Variants in TLN1 observed in about 807,000 individuals in gnomAD.
TLN1 encodes the protein talin 1.
TLN1 carries 56 observed loss-of-function variants against 292.3 expected under a neutral mutation model. The observed-to-expected ratio is 0.19, with a 90% CI of 0.15 to 0.24. The LOEUF (loss-of-function observed/expected upper bound fraction) is 0.24, where lower values mean the gene tolerates loss of function less well. Among genes scored for constraint, TLN1 ranks in the 10% least tolerant of loss-of-function variants. The probability of loss-of-function intolerance (pLI) is 1.00; values close to 1 mark genes in which losing one functional copy is unlikely to be tolerated. For synonymous variants in TLN1, 1,119 were observed against 1,253.7 expected (o/e 0.89, Z 2.27); for missense variants, 2,433 against 3,248.2 (o/e 0.75, Z 6.10).
intron 20 of TLN1, 129 bp downstream of exon 20, chr9:35,716,261 T>C (rs1825781223): frequency 1.0e-6 from 1 of 995,548 alleles, no homozygotes; most frequent in Middle Eastern, 3.0e-4. Context: ...ATTTCCTGAG[T>C]GCTCCTATAT....
rs890193369 is a variant in TLN1, at chr9:35,719,210, A to G, written c.1760T>C (p.Met587Thr). Residue 587 changes from methionine (M) to threonine (T), a missense_variant, in exon 16 of 57, where the codon ATG (methionine) becomes ACG (threonine). Around this residue, in one of 7 missense-constraint regions of TLN1, gnomAD observed 617 missense variants for 770.6 expected, o/e 0.80. Coordinates refer to ENST00000314888, the MANE Select transcript of TLN1 (RefSeq NM_006289.4). The surrounding 1 kb of genome is among the most constrained non-coding windows in gnomAD (Gnocchi z 4.6). ...VTTISSNLTEMSRGVKLLAAL... is the reference protein window; with the variant it reads ...VTTISSNLTETSRGVKLLAAL... Reference sequence around the variant, plus strand: ...AGCCAGCAGCTTCACCCCACGGGACATCTCCGTCAGGTTGGAGGAGATTGT... The same window carrying G: ...AGCCAGCAGCTTCACCCCACGGGACGTCTCCGTCAGGTTGGAGGAGATTGT... The G allele has an allele frequency of 1.2e-6, 2 of 1,614,224 alleles. No individual in the cohort carries two copies. Among genetic ancestry groups the G allele is most frequent in the Non-Finnish European group, 1.7e-6 (2 of 1,180,038 alleles).
chr9:35,704,547 G>A lies in TLN1; in HGVS notation c.5881-49C>T. On this transcript the variant is annotated intron_variant, in intron 44 of 56. Transcript: ENST00000314888. This position sits in a 1 kb window ranked among gnomAD's most constrained non-coding sequence, Gnocchi z 6.9. ...GACTGTGGAAGGTGCCATGTGAAAT[G>A]GAAAGGTTGCCCATGCCTGGGAGAA... The A allele has an allele frequency of 1.3e-6, 2 of 1,582,836 alleles. No individual in the cohort carries two copies. Among genetic ancestry groups the A allele is most frequent in the African/African-American group, 1.3e-5 (1 of 74,562 alleles).
At chr9:35,713,072 G>T in intron 26 of TLN1, 29 bp from the exon 27 acceptor site, 1 of 1,582,044 alleles carries the variant, frequency 6.3e-7, no homozygotes, top group Non-Finnish European at 8.6e-7. Flanking sequence ...AGAGGGAAGG[G>T]AAGGTGCTTT....
At chr9:35,713,761 A>AAAGGAAGGAAG (rs1825721519) in intron 25 of TLN1, among the ~76,000 whole-genome samples, 192 bp downstream of exon 25, 1 of 151,722 alleles carries the variant, frequency 6.6e-6, no homozygotes, top group Non-Finnish European at 1.5e-5. Context: ...GGAAGAAAAG[A>AAAGGAAGGAAG]AAGGAAGGAA....
chr9:35,708,288 G>C, intron 34 of TLN1, 53 bp downstream of exon 34: 1 of 1,529,492 alleles, frequency 6.5e-7, no homozygotes, highest in South Asian at 1.3e-5. Flanking sequence ...TACTCCACGG[G>C]GTCGGTCTGC....
Position 35,712,964 on chromosome 9 carries a change from A to G in TLN1, c.3432T>C (p.Asp1144=), listed in dbSNP as rs1825703126. 1.2e-6 allele frequency: 2 copies of G among 1,610,746 alleles called. No individual in the cohort carries two copies. The highest frequency in any genetic ancestry group is 8.5e-7 in the Non-Finnish European group (1 of 1,178,972). Reference sequence around the variant, plus strand: ...CAAGTACAATGGCCTGCACTGCAGGATCTGACGTCAGTGCAGCGACTCCCC... The same window carrying G: ...CAAGTACAATGGCCTGCACTGCAGGGTCTGACGTCAGTGCAGCGACTCCCC... ...AARGVAALTS[D]PAVQAIVLDT... The change falls in exon 27 of 57, where the codon GAT becomes GAC. Residue 1144 remains aspartate (D), a synonymous_variant. Transcript: ENST00000314888.
rs1228357407 is a variant in TLN1 at position 35,720,027 on chromosome 9, T to C, written c.1464+12A>G. 3.2e-6 allele frequency: 5 copies of C among 1,578,870 alleles called. No individual in the cohort carries two copies. ...AAGGGCCCTGGCACCGTGGTGGAAG[T>C]GGGACACTTACCAGAGGAGGCATGT... On this transcript the variant is annotated intron_variant, in intron 13 of 56. Transcript: ENST00000314888.
intron 25 of TLN1, among the ~76,000 whole-genome samples, 159 bp from the exon 26 acceptor site, chr9:35,713,457 G>A (rs1363611807): frequency 6.6e-6 from 1 of 152,174 alleles, no homozygotes; most frequent in Non-Finnish European, 1.5e-5. Flanking sequence ...GCTGAGGCAG[G>A]TGGATCACCT....
rs564554510 is a variant in TLN1 at position 35,712,047 on chromosome 9, C to A, written c.3639G>T (p.Leu1213=). The part of the protein sequence containing the change: ...LPGQRDVDNA[L]RAVGDASKRL... ...GCTTGCTGGCATCTCCAACTGCCCTCAGGGCATTATCCACATCGCGCTGGC... is the reference window on the plus strand; with the variant it reads ...GCTTGCTGGCATCTCCAACTGCCCTAAGGGCATTATCCACATCGCGCTGGC... The change falls in exon 28 of 57, where the codon CTG becomes CTT. Residue 1213 remains leucine (L), a synonymous_variant. Transcript: ENST00000314888. 12 of 1,614,142 alleles carry A rather than the reference C, an allele frequency of 7.4e-6. No individual in the cohort carries two copies. The highest frequency in any genetic ancestry group is 1.7e-4 in the Middle Eastern group (1 of 6,056).
chr9:35,715,229 G>C, intron 20 of TLN1, 42 bp from the exon 21 acceptor site: 2 of 1,598,392 alleles, frequency 1.3e-6, no homozygotes, highest in South Asian at 1.1e-5. Flanking sequence ...CAGCTCTCCT[G>C]TGGATCCTAA....
At chr9:35,715,324 CA>C in intron 20 of TLN1, 137 bp from the exon 21 acceptor site, 1 of 1,249,668 alleles carries the variant, frequency 8.0e-7, no homozygotes, top group Non-Finnish European at 1.1e-6. Flanking sequence ...CACCAAAAGG[CA>C]ATCACCTTTG....
chr9:35,714,987 A>G lies in TLN1; in HGVS notation c.2754+72T>C. 3 of 1,610,508 alleles carry G rather than the reference A, an allele frequency of 1.9e-6. No homozygotes were observed. Among genetic ancestry groups the G allele is most frequent in the Non-Finnish European group, 2.5e-6 (3 of 1,179,728 alleles). On this transcript the variant is annotated intron_variant, in intron 21 of 56. Transcript: ENST00000314888. This position sits in a 1 kb window ranked among gnomAD's most constrained non-coding sequence, Gnocchi z 4.6. ...AAGGACGTATTAACTTACTCTCCGC[A>G]CCTCCCTTTCAGTTCATTCCTCCCA...
rs369331793 is a variant in TLN1, at chr9:35,703,944, G to A, written c.6232-44C>T. ...GCTCTGGTCTATGGGAGGAAGAAGC[G>A]GGACAGGAAGTGATTCCAGCCGGAA... On this transcript the variant is annotated intron_variant, in intron 46 of 56. Coordinates refer to ENST00000314888, the MANE Select transcript of TLN1 (RefSeq NM_006289.4). 5.7e-5 allele frequency: 92 copies of A among 1,613,160 alleles called. No individual in the cohort carries two copies. The East Asian group carries it at 1.8e-3, about 31-fold the overall frequency.
Position 35,698,842 on chromosome 9 carries a change from G to A in TLN1, c.7091C>T (p.Ser2364Leu). 6.2e-7 allele frequency: 1 copy of A among 1,614,144 alleles called. No homozygotes were observed. The highest frequency in any genetic ancestry group is 8.5e-7 in the Non-Finnish European group (1 of 1,180,014). Residue 2364 changes from serine (S) to leucine (L), a missense_variant, in exon 53 of 57, where the codon TCG becomes TTG. This residue lies in a region of TLN1 where 141 missense variants were observed against 248.5 expected (regional missense o/e 0.57). Coordinates refer to ENST00000314888, the MANE Select transcript of TLN1 (RefSeq NM_006289.4). The surrounding 1 kb of genome is among the most constrained non-coding windows in gnomAD (Gnocchi z 5.3). ...AATSALVKAA[S>L]AAQRELVAQG... is the part of the protein sequence containing the mutation. Reference sequence around the variant, plus strand: ...GGCCACTAGTTCTCTCTGGGCAGCCGACGCAGCCTTTACCAGTGCACTGGT... The same window carrying A: ...GGCCACTAGTTCTCTCTGGGCAGCCAACGCAGCCTTTACCAGTGCACTGGT...
rs2295795 is a variant in TLN1 at position 35,712,006 on chromosome 9, G to A, written c.3680C>T (p.Ser1227Leu). 433,987 of 1,613,370 alleles carry A rather than the reference G, an allele frequency of 0.27. 61,293 individuals are homozygous for A. Among genetic ancestry groups the A allele is most frequent in the East Asian group, 0.32 (14,470 of 44,860 alleles). Reference sequence around the variant, plus strand: ...CCCCACCCCCTACCGTCCTCCTACCGAGTCACTCAGGAGTCGCTTGCTGGC... The same window carrying A: ...CCCCACCCCCTACCGTCCTCCTACCAAGTCACTCAGGAGTCGCTTGCTGGC... ...GDASKRLLSDSLPPSTGTFQE... is the reference protein window; with the variant it reads ...GDASKRLLSDLLPPSTGTFQE... The change falls in exon 28 of 57, where the codon TCG (serine) becomes TTG (leucine). Residue 1227 changes from serine (S) to leucine (L), a missense_variant and splice_region_variant. By Grantham distance (145) the Ser-to-Leu change is moderately radical. Around this residue, in one of 7 missense-constraint regions of TLN1, gnomAD observed 1,384 missense variants for 1,699.6 expected, o/e 0.81. Coordinates refer to ENST00000314888, the MANE Select transcript of TLN1 (RefSeq NM_006289.4).
chr9:35,717,236 T>C lies in TLN1; in HGVS notation c.2368A>G (p.Thr790Ala). ...ELLQHVKAHA[T>A]GAGPAGRYDQ... ...TAACGGCCAGCAGGCCCAGCCCCTG[T>C]GGCATGGGCTTTCACATGCTGCAGC... Residue 790 changes from threonine (T) to alanine (A), a missense_variant, in exon 19 of 57, where the codon ACA (threonine) becomes GCA (alanine). Around this residue, in one of 7 missense-constraint regions of TLN1, gnomAD observed 617 missense variants for 770.6 expected, o/e 0.80. Transcript: ENST00000314888. The surrounding 1 kb of genome is among the most constrained non-coding windows in gnomAD (Gnocchi z 4.7). The C allele has an allele frequency of 6.2e-7, 1 of 1,614,222 alleles. No homozygotes were observed. The highest frequency in any genetic ancestry group is 2.2e-5 in the East Asian group (1 of 44,890).
In TLN1 at chr9:35,711,704, A is replaced by C. The variant is rs1162757846; in HGVS notation, c.3770T>G (p.Val1257Gly). 3.1e-6 allele frequency: 5 copies of C among 1,613,966 alleles called. No homozygotes were observed. The Admixed American group carries it at 8.3e-5, about 27-fold the overall frequency. Residue 1257 changes from valine (V) to glycine (G), a missense_variant, in exon 29 of 57, where the codon GTG becomes GGG. Transcript: ENST00000314888. ...AGLNQAATEL[V>G]QASRGTPQDL... ...CTGAGGGGTTCCCCGAGAGGCCTGC[A>C]CCAGTTCTGTGGCTGCCTGATTCAG... is the stretch of plus-strand genomic sequence containing the variant.
intron 33 of TLN1, among the ~76,000 whole-genome samples, chr9:35,709,315 C>A (rs569212068): frequency 6.8e-6 from 1 of 146,834 alleles, no homozygotes. Flanking sequence ...AAACAAAAAA[C>A]CAAAAAAACA....
chr9:35,725,465 T>C (rs1409299547), intron 2 of TLN1, 100 bp downstream of exon 2: 1 of 1,547,996 alleles, frequency 6.5e-7, no homozygotes, highest in Non-Finnish European at 8.8e-7. Flanking sequence ...GAGGGGTGAG[T>C]AGTCTTAGGG....
Sources: gnomAD v4.1 joint callset for allele counts (sites outside exome capture counted in the v4.1 genomes callset) on GRCh38, gnomAD v4.1.1 for gene constraint, gnomAD v4.1.1 regional missense constraint, Gnocchi (gnomAD v3.1) non-coding constraint, MANE v1.5 for transcripts, NCBI Gene and HGNC (gene_info 2026-07-23, HGNC 2026-07-21) for gene names.